RBFOX3: variants seen among roughly 807,000 people sequenced by gnomAD.
The protein encoded by RBFOX3 is RNA binding protein fox-1 homolog 3.
In RBFOX3, 17 loss-of-function variants were observed where a neutral mutation model predicts 48.7. That is an observed-to-expected ratio of 0.35 (90% CI 0.24 to 0.52). The LOEUF is 0.52. RBFOX3 is among the 20% of genes least tolerant of loss of function. The pLI is 0.94. For missense variants in RBFOX3, 382 were observed against 497.5 expected (o/e 0.77, Z 2.21); for synonymous variants, 212 against 209.5 (o/e 1.01, Z -0.10).
At chr17:79,596,137 A>AC (rs1238062536) in intron 1 of RBFOX3, among the ~76,000 whole-genome samples, 5 of 151,922 alleles carry the variant, frequency 3.3e-5, no homozygotes, top group African/African-American at 9.7e-5. Flanking sequence ...GACATCTGAG[A>AC]CCCCCCTTTC....
At chr17:79,143,508 G>T (rs2144370378) in intron 4 of RBFOX3, among the ~76,000 whole-genome samples, 1 of 152,264 alleles carries the variant, frequency 6.6e-6, no homozygotes. Flanking sequence ...CAGCGTGGGG[G>T]TCTCCTCCCA....
chr17:79,368,607 C>T (rs1049064806), intron 2 of RBFOX3, among the ~76,000 whole-genome samples: 2 of 152,198 alleles, frequency 1.3e-5, no homozygotes, highest in African/African-American at 4.8e-5. Flanking sequence ...AGACACCACT[C>T]CCTGGATTGT....
chr17:79,635,085 A>G, the RBFOX3 span, among the ~76,000 whole-genome samples: 72 of 137,600 alleles, frequency 5.2e-4, no homozygotes, highest in African/African-American at 2.1e-3. Flanking sequence ...AAAAAAAAAA[A>G]AAAAAAAAAA....
rs187455473 is a variant in RBFOX3, at chr17:79,364,640, C to T, written c.-174-56816G>A. On this transcript the variant is annotated intron_variant, in intron 2 of 14. Coordinates refer to ENST00000693108, the MANE Select transcript of RBFOX3 (RefSeq NM_001350451.2). This position sits in a 1 kb window ranked among gnomAD's most constrained non-coding sequence, Gnocchi z 5.1. ...GTGCTGGTGGGTGACGGGGAGCGGG[C>T]GTGAGCAGGTCGGATAGCCTGCTGT... 6.6e-6 allele frequency among the ~76,000 whole-genome samples: 1 copy of T among 152,096 alleles called. No homozygotes were observed. Among genetic ancestry groups the T allele is most frequent in the African/African-American group, 2.4e-5 (1 of 41,414 alleles).
chr17:79,210,678 T>G (rs1349414373), intron 4 of RBFOX3, among the ~76,000 whole-genome samples: 1 of 152,212 alleles, frequency 6.6e-6, no homozygotes, highest in East Asian at 1.9e-4. Context: ...CCAGTTGCCC[T>G]TCAAGAGATG....
At chr17:79,256,990 C>G (rs887508730) in intron 3 of RBFOX3, among the ~76,000 whole-genome samples, 2 of 152,016 alleles carry the variant, frequency 1.3e-5, no homozygotes, top group African/African-American at 4.8e-5. Context: ...GAAAGAAGTT[C>G]GTGACGCGGG....
At chr17:79,440,504 A>C (rs1383679504) in intron 2 of RBFOX3, among the ~76,000 whole-genome samples, 16 of 152,216 alleles carry the variant, frequency 1.1e-4, no homozygotes, top group African/African-American at 3.9e-4. Flanking sequence ...GAAGCCGGTG[A>C]CCACAGGGCA....
At chr17:79,536,324 G>A (rs996497457) in intron 1 of RBFOX3, among the ~76,000 whole-genome samples, 9 of 152,170 alleles carry the variant, frequency 5.9e-5, no homozygotes, top group African/African-American at 1.7e-4. Context: ...CACCTGCCTC[G>A]GCCTCCCAAG....
chr17:79,140,197 G>T (rs1237950256), intron 4 of RBFOX3, among the ~76,000 whole-genome samples: 1 of 152,254 alleles, frequency 6.6e-6, no homozygotes, highest in Non-Finnish European at 1.5e-5. Flanking sequence ...AATGTGCTGT[G>T]ATCTCCATTG....
At chr17:79,256,414 C>T (rs1179829097) in intron 3 of RBFOX3, among the ~76,000 whole-genome samples, 3 of 152,204 alleles carry the variant, frequency 2.0e-5, no homozygotes, top group Non-Finnish European at 2.9e-5. Context: ...GTGAGGATGG[C>T]ACCACGCCAC....
chr17:79,306,257 A>G (rs1478893979), intron 3 of RBFOX3, among the ~76,000 whole-genome samples: 2 of 152,240 alleles, frequency 1.3e-5, no homozygotes, highest in African/African-American at 4.8e-5. Context: ...CAATGGCGGA[A>G]AATAAACGAG....
chr17:79,463,887 C>G (rs549372135), intron 2 of RBFOX3, among the ~76,000 whole-genome samples: 1 of 150,746 alleles, frequency 6.6e-6, no homozygotes, highest in South Asian at 2.1e-4. Context: ...CTGCCACCAC[C>G]ATCGCCATCA....
At chr17:79,398,390 G>A (rs926509829) in intron 2 of RBFOX3, among the ~76,000 whole-genome samples, 2 of 152,206 alleles carry the variant, frequency 1.3e-5, no homozygotes, top group Non-Finnish European at 2.9e-5. Context: ...GACCCACTAT[G>A]GGATGTGAAC....
chr17:79,395,228 G>A (rs1205258403), intron 2 of RBFOX3, among the ~76,000 whole-genome samples: 1 of 152,258 alleles, frequency 6.6e-6, no homozygotes. Flanking sequence ...ACCCAGCAAT[G>A]TGTGGCGGCC....
At chr17:79,529,781 G>A (rs957780859) in intron 1 of RBFOX3, among the ~76,000 whole-genome samples, 2 of 152,222 alleles carry the variant, frequency 1.3e-5, no homozygotes, top group Non-Finnish European at 1.5e-5. Flanking sequence ...TCCTGCCCCC[G>A]TCCCCTGAGG....
At chr17:79,609,342 C>T (rs1209088178) in intron 1 of RBFOX3, among the ~76,000 whole-genome samples, 6 of 152,098 alleles carry the variant, frequency 3.9e-5, no homozygotes, top group Non-Finnish European at 5.9e-5. Flanking sequence ...GTCCCCGAGT[C>T]CAACCTGCGT....
At chr17:79,515,227 G>A (rs2149916844) in intron 1 of RBFOX3, among the ~76,000 whole-genome samples, 1 of 152,306 alleles carries the variant, frequency 6.6e-6, no homozygotes, top group African/African-American at 2.4e-5. Flanking sequence ...CCCTGCTCTG[G>A]TGAAGCCCTG....
chr17:79,157,411 C>T (rs544059101), intron 4 of RBFOX3, among the ~76,000 whole-genome samples: 2 of 152,316 alleles, frequency 1.3e-5, no homozygotes, highest in East Asian at 1.9e-4. Flanking sequence ...CGTAAGGCCC[C>T]GGAATCTGAT....
At chr17:79,137,968 G>A (rs1194404778) in intron 4 of RBFOX3, among the ~76,000 whole-genome samples, 2 of 152,144 alleles carry the variant, frequency 1.3e-5, no homozygotes, top group Non-Finnish European at 2.9e-5. Context: ...TTCTTCTCTA[G>A]AAGCCATGTG....
Sources: allele counts gnomAD v4.1 joint callset (sites outside exome capture counted in the v4.1 genomes callset), GRCh38; gene constraint gnomAD v4.1.1; non-coding constraint Gnocchi (gnomAD v3.1); transcripts MANE v1.5; gene names NCBI Gene and HGNC (gene_info 2026-07-23, HGNC 2026-07-21).